CSMD1: variants seen among roughly 807,000 people sequenced by gnomAD.
The protein encoded by CSMD1 is CUB and Sushi multiple domains 1, also known as CUB and sushi domain-containing protein 1.
CSMD1 carries 213 observed loss-of-function variants against 417.5 expected under a neutral mutation model. The observed-to-expected ratio is 0.51, with a 90% confidence interval of 0.46 to 0.57. The LOEUF is 0.57. CSMD1 is among the 20% of genes least tolerant of loss of function. The probability of loss-of-function intolerance (pLI) is 0.00; values close to 1 mark genes in which losing one functional copy is unlikely to be tolerated. For missense variants in CSMD1, 6,923 were observed against 4,529.7 expected (o/e 1.53, Z -15.17); for synonymous variants, 2,862 against 1,736.8 (o/e 1.65, Z -16.11).
At chr8:4,055,945 T>G (rs1191032715) in intron 3 of CSMD1, among the ~76,000 whole-genome samples, 14 of 152,126 alleles carry the variant, frequency 9.2e-5, no homozygotes, top group Non-Finnish European at 5.9e-5. Context: ...TAAATTACAC[T>G]TAAAATGAAA....
At chr8:4,914,147 G>T (rs534859905) in intron 1 of CSMD1, among the ~76,000 whole-genome samples, 12 of 152,280 alleles carry the variant, frequency 7.9e-5, no homozygotes, top group Admixed American at 7.8e-4. Context: ...TTTCTGAAAA[G>T]TGCATATAAA....
At chr8:3,399,315 G>T in intron 16 of CSMD1, 76 bp downstream of exon 16, 1 of 1,380,346 alleles carries the variant, frequency 7.2e-7, no homozygotes, top group Non-Finnish European at 9.8e-7. Context: ...TCTTTTTAAA[G>T]TTTAAGATCC....
At position 3,161,816 on chromosome 8, in the gene CSMD1, A is replaced by T. The variant is rs139596103; in HGVS notation, c.5844+343T>A. 1.9e-3 allele frequency among the ~76,000 whole-genome samples: 292 copies of T among 152,296 alleles called. 2 individuals carry two copies. Among genetic ancestry groups the T allele is most frequent in the African/African-American group, 6.6e-3 (275 of 41,560 alleles). On this transcript the variant is annotated intron_variant, in intron 38 of 69. Coordinates refer to ENST00000635120, the MANE Select transcript of CSMD1 (RefSeq NM_033225.6). ...AGTTTGCAGGGTAGCAGGTGCACAT[A>T]CAGAAGCAGATTCAATTACTGGCTG...
intron 3 of CSMD1, among the ~76,000 whole-genome samples, chr8:4,366,519 CTTAA>C (rs968007421): frequency 1.7e-4 from 26 of 152,110 alleles, no homozygotes; most frequent in African/African-American, 6.0e-4. Flanking sequence ...TCCACAGTAG[CTTAA>C]TTAATTTGCA....
intron 8 of CSMD1, among the ~76,000 whole-genome samples, chr8:3,593,498 A>G (rs946664451): frequency 1.3e-5 from 2 of 152,202 alleles, no homozygotes; most frequent in African/African-American, 4.8e-5. Context: ...GCTCTCACTA[A>G]GGCCAAAATG....
At chr8:3,455,042 C>T (rs1371451875) in intron 12 of CSMD1, among the ~76,000 whole-genome samples, 1 of 152,210 alleles carries the variant, frequency 6.6e-6, no homozygotes, top group Non-Finnish European at 1.5e-5. Flanking sequence ...AACTTCTCCT[C>T]TCGCTTCATT....
intron 7 of CSMD1, among the ~76,000 whole-genome samples, chr8:3,628,669 C>T (rs568967135): frequency 2.1e-3 from 312 of 152,084 alleles, no homozygotes; most frequent in African/African-American, 7.1e-3. Context: ...TCCTCACAGG[C>T]GCCCCGAGAA....
intron 10 of CSMD1, among the ~76,000 whole-genome samples, chr8:3,547,920 C>A: frequency 6.6e-6 from 1 of 152,106 alleles, no homozygotes; most frequent in Non-Finnish European, 1.5e-5. Context: ...ATGCACCATG[C>A]CATATCCTGA....
intron 3 of CSMD1, among the ~76,000 whole-genome samples, chr8:4,229,271 C>T (rs961980187): frequency 6.6e-6 from 1 of 152,166 alleles, no homozygotes; most frequent in African/African-American, 2.4e-5. Context: ...CTGAGCAATC[C>T]TCCCCACCTC....
intron 5 of CSMD1, among the ~76,000 whole-genome samples, chr8:3,920,165 C>A (rs1809130569): frequency 6.6e-6 from 1 of 152,036 alleles, no homozygotes; most frequent in Admixed American, 6.6e-5. Context: ...TTCTGAGAAG[C>A]TGGGACTACA....
chr8:3,917,115 T>C (rs372866302), intron 5 of CSMD1, among the ~76,000 whole-genome samples: 2 of 152,136 alleles, frequency 1.3e-5, no homozygotes, highest in East Asian at 3.8e-4. Context: ...ATCTTTGTCA[T>C]AAAAGATAGT....
At chr8:4,389,415 T>G (rs997272019) in intron 3 of CSMD1, among the ~76,000 whole-genome samples, 2 of 152,074 alleles carry the variant, frequency 1.3e-5, no homozygotes, top group African/African-American at 4.8e-5. Context: ...CATAGAAACA[T>G]ACGAAAATCT....
At chr8:3,091,245 T>A (rs961540035) in intron 48 of CSMD1, among the ~76,000 whole-genome samples, 3 of 152,074 alleles carry the variant, frequency 2.0e-5, no homozygotes, top group Non-Finnish European at 4.4e-5. Flanking sequence ...TATATTAGTT[T>A]ATCTTTTGGA....
chr8:4,593,390 G>A (rs1289951307), intron 2 of CSMD1, among the ~76,000 whole-genome samples: 2 of 152,282 alleles, frequency 1.3e-5, no homozygotes, highest in African/African-American at 4.8e-5. Context: ...TAATTTTAGT[G>A]CTAATTATGT....
At chr8:4,279,797 G>C (rs771410798) in intron 3 of CSMD1, among the ~76,000 whole-genome samples, 11 of 152,172 alleles carry the variant, frequency 7.2e-5, no homozygotes, top group Non-Finnish European at 1.3e-4. Flanking sequence ...CAGGAGTGTT[G>C]GATTATGTCT....
intron 3 of CSMD1, among the ~76,000 whole-genome samples, chr8:4,153,986 A>G (rs1796699227): frequency 6.6e-6 from 1 of 152,196 alleles, no homozygotes; most frequent in Non-Finnish European, 1.5e-5. Context: ...GAGAAGGCAG[A>G]ATCCAATGAT....
chr8:4,394,214 C>G (rs976992981), intron 3 of CSMD1, among the ~76,000 whole-genome samples: 1 of 151,984 alleles, frequency 6.6e-6, no homozygotes, highest in Non-Finnish European at 1.5e-5. Flanking sequence ...GTGCCTAGGT[C>G]TTAGAAAAAC....
intron 8 of CSMD1, among the ~76,000 whole-genome samples, chr8:3,596,586 G>T (rs10503208): frequency 5.3e-5 from 8 of 151,690 alleles, no homozygotes; most frequent in Non-Finnish European, 7.4e-5. Context: ...GAGACTGTTC[G>T]GCAAATATTT....
intron 36 of CSMD1, 87 bp downstream of exon 36, chr8:3,187,782 A>G (rs1201310716): frequency 1.1e-6 from 1 of 939,912 alleles, no homozygotes; most frequent in Non-Finnish European, 1.7e-6. Flanking sequence ...GAAAATTTCT[A>G]TGTGGAGTGT....
Sources: gnomAD v4.1 joint callset for allele counts (sites outside exome capture counted in the v4.1 genomes callset) on GRCh38, gnomAD v4.1.1 for gene constraint, MANE v1.5 for transcripts, NCBI Gene and HGNC (gene_info 2026-07-23, HGNC 2026-07-21) for gene names.